Variants in CARF observed in about 807,000 individuals in gnomAD.
The protein encoded by CARF is calcium-responsive transcription factor.
In CARF, 57 loss-of-function variants were observed where a neutral mutation model predicts 82.0. The ratio of observed to expected loss-of-function variants is 0.70; its 90% CI spans 0.56 to 0.87. The LOEUF is 0.87. CARF is among the 40% of genes least tolerant of loss of function. The pLI, the probability that CARF is intolerant of heterozygous loss-of-function variation, is 0.00. For missense variants in CARF, 771 were observed against 855.8 expected (o/e 0.90, Z 1.24); for synonymous variants, 268 against 290.1 (o/e 0.92, Z 0.77).
Position 202,942,985 on chromosome 2 carries a change from G to A in CARF, c.306+18G>A. Reference sequence around the variant, plus strand: ...CACAAATGGTGAGTATATTTTATAAGTAACCAGTTTTATGCCGTTTAGCAA... The same window carrying A: ...CACAAATGGTGAGTATATTTTATAAATAACCAGTTTTATGCCGTTTAGCAA... On this transcript the variant is annotated intron_variant, in intron 5 of 16. Transcript: ENST00000438828. 6.3e-7 allele frequency: 1 copy of A among 1,599,630 alleles called. No individual in the cohort carries two copies. Among genetic ancestry groups the A allele is most frequent in the Non-Finnish European group, 8.6e-7 (1 of 1,168,462 alleles).
Position 202,967,529 on chromosome 2 carries a change from T to C in CARF, c.953+431T>C, listed in dbSNP as rs115503052. Among the ~76,000 whole-genome samples, 772 of 152,338 alleles carry C rather than the reference T, an allele frequency of 5.1e-3. 4 individuals are homozygous for C. Among genetic ancestry groups the C allele is most frequent in the African/African-American group, 0.017 (714 of 41,572 alleles). The stretch of plus-strand genomic sequence containing the variant: ...GTGAATGTAATGACATACTTTCCTT[T>C]TTTTCATTCTCAGTGTATCTCAAAG... On this transcript the variant is annotated intron_variant, in intron 10 of 16. Transcript: ENST00000438828.
At chr2:202,954,727 A>T (rs549901474) in intron 7 of CARF, among the ~76,000 whole-genome samples, 2 of 142,248 alleles carry the variant, frequency 1.4e-5, no homozygotes, top group Admixed American at 1.4e-4. Context: ...AAAAAAAAAA[A>T]GACTGGGCAC....
intron 3 of CARF, among the ~76,000 whole-genome samples, chr2:202,937,686 G>A (rs974892044): frequency 6.6e-6 from 1 of 151,854 alleles, no homozygotes; most frequent in Admixed American, 6.6e-5. Flanking sequence ...GTGCAGTGGT[G>A]TGATCTTGGC....
intron 9 of CARF, among the ~76,000 whole-genome samples, chr2:202,965,021 T>G (rs2059492473): frequency 6.6e-6 from 1 of 152,012 alleles, no homozygotes. Context: ...TCACAGGTTT[T>G]TTTTCCTCTC....
chr2:202,935,804 A>T (rs2105779352), intron 3 of CARF, among the ~76,000 whole-genome samples: 1 of 152,202 alleles, frequency 6.6e-6, no homozygotes, highest in Non-Finnish European at 1.5e-5. Context: ...TACCATTCAC[A>T]TACCTAAAAA....
At chr2:202,972,520 T>C (rs1369108511) in intron 12 of CARF, among the ~76,000 whole-genome samples, 2 of 151,308 alleles carry the variant, frequency 1.3e-5, no homozygotes, top group Non-Finnish European at 2.9e-5. Flanking sequence ...CTACTAAAAA[T>C]ACAAAAACTA....
At chr2:202,947,305 A>T (rs553666301) in intron 5 of CARF, among the ~76,000 whole-genome samples, 6 of 152,268 alleles carry the variant, frequency 3.9e-5, no homozygotes, top group Admixed American at 3.9e-4. Flanking sequence ...CATAAAAAAG[A>T]ATGAGTTCAT....
At chr2:202,936,151 G>T (rs879912060) in intron 3 of CARF, among the ~76,000 whole-genome samples, 1 of 151,836 alleles carries the variant, frequency 6.6e-6, no homozygotes, top group East Asian at 1.9e-4. Context: ...TTTTTTTCAT[G>T]GAATGCCTGA....
chr2:202,919,028 C>A (rs895970295), intron 2 of CARF, among the ~76,000 whole-genome samples: 13 of 152,140 alleles, frequency 8.5e-5, no homozygotes, highest in Admixed American at 5.9e-4. Context: ...ATACTCCCCA[C>A]CCCTTAACTA....
At chr2:202,975,563 C>T (rs1574784440) in intron 13 of CARF, among the ~76,000 whole-genome samples, 2 of 151,162 alleles carry the variant, frequency 1.3e-5, no homozygotes, top group East Asian at 2.0e-4. Context: ...GCTGAGATAG[C>T]GCCACTGCAC....
chr2:202,920,703 T>G (rs1404988155), intron 2 of CARF, among the ~76,000 whole-genome samples: 1 of 151,996 alleles, frequency 6.6e-6, no homozygotes. Context: ...AAAATTAAAC[T>G]GTATTTAAAT....
intron 3 of CARF, among the ~76,000 whole-genome samples, chr2:202,938,850 G>A (rs2058079508): frequency 6.6e-6 from 1 of 152,012 alleles, no homozygotes; most frequent in Non-Finnish European, 1.5e-5. Context: ...AAAATGCTAG[G>A]ATTACAGGCA....
rs764916102 is a variant in CARF at position 202,961,293 on chromosome 2, C to A, written c.699C>A (p.Val233=). The A allele has an allele frequency of 3.1e-6, 5 of 1,614,106 alleles. No homozygotes were observed. The highest frequency in any genetic ancestry group is 4.2e-6 in the Non-Finnish European group (5 of 1,180,020). The change falls in exon 9 of 17, where the codon GTC becomes GTA. Residue 233 remains valine, a synonymous_variant. Coordinates refer to ENST00000438828, the MANE Select transcript of CARF (RefSeq NM_024744.17). ...TAAGTGAGACTGAATTAGAAAGTGT[C>A]CTAACATTTCACAAGCAGCAAACAC... ...YCVSETELES[V]LTFHKQQTQS... is the part of the protein sequence containing the mutation.
chr2:202,967,181 C>G lies in CARF; in HGVS notation c.953+83C>G, dbSNP rs1019647169. 7 of 1,436,474 alleles carry G rather than the reference C, an allele frequency of 4.9e-6. No homozygotes were observed. In the Admixed American group the frequency reaches 1.3e-4, roughly 27 times the overall value. 89.0% of individuals were successfully genotyped at this position (1,436,474 alleles called of 1,614,324 possible). On this transcript the variant is annotated intron_variant, in intron 10 of 16. Transcript: ENST00000438828. ...TACACATATTTTTATTAGGTTTATA[C>G]AGTACCAAAAAGTATACAGTGAATT...
chr2:202,977,227 A>G (rs754690970), intron 13 of CARF, 42 bp from the exon 14 acceptor site: 13 of 1,433,182 alleles, frequency 9.1e-6, no homozygotes, highest in Admixed American at 1.9e-5. Flanking sequence ...ATTTTTCAAT[A>G]TAAGAGCTTT....
rs567214586 is a variant in CARF, at chr2:202,926,338, A to T, written c.-44+1923A>T. ...CTGGTTAAAACAAAATTTTAAAAACAGACAAAACCTAGTTCAATTGTTTTT... is the reference window on the plus strand; with the variant it reads ...CTGGTTAAAACAAAATTTTAAAAACTGACAAAACCTAGTTCAATTGTTTTT... On this transcript the variant is annotated intron_variant, in intron 3 of 16. Transcript: ENST00000438828. 5.9e-5 allele frequency among the ~76,000 whole-genome samples: 9 copies of T among 152,346 alleles called. No individual in the cohort carries two copies. The South Asian group carries it at 8.3e-4, about 14-fold the overall frequency.
intron 10 of CARF, among the ~76,000 whole-genome samples, chr2:202,968,425 C>A (rs371759405): frequency 2.0e-5 from 3 of 151,974 alleles, no homozygotes; most frequent in African/African-American, 4.8e-5. Context: ...AAAATAAATA[C>A]CTTAGCATTC....
chr2:202,959,624 G>C (rs955985661), intron 8 of CARF, among the ~76,000 whole-genome samples: 1 of 152,116 alleles, frequency 6.6e-6, no homozygotes, highest in African/African-American at 2.4e-5. Context: ...TTTGAGACCA[G>C]CCTGGTCAAC....
At chr2:202,936,229 C>G (rs1270300165) in intron 3 of CARF, among the ~76,000 whole-genome samples, 1 of 152,090 alleles carries the variant, frequency 6.6e-6, no homozygotes, top group Non-Finnish European at 1.5e-5. Flanking sequence ...CTTGTGTATA[C>G]ACATGCATAT....
Sources: allele counts gnomAD v4.1 joint callset (sites outside exome capture counted in the v4.1 genomes callset), GRCh38; gene constraint gnomAD v4.1.1; transcripts MANE v1.5; gene names NCBI Gene and HGNC (gene_info 2026-07-23, HGNC 2026-07-21).